Variants in SC5D observed in about 807,000 individuals in gnomAD.
SC5D encodes lathosterol oxidase.
In SC5D, 21 loss-of-function variants were observed where a neutral mutation model predicts 23.9. The observed-to-expected ratio is 0.88, with a 90% CI of 0.62 to 1.26. The LOEUF (loss-of-function observed/expected upper bound fraction) is 1.26. Ranked by LOEUF, SC5D falls within the 50% of genes most tolerant of loss-of-function variation. SC5D has a pLI of 0.00. For synonymous variants in SC5D, 113 were observed against 125.9 expected (o/e 0.90, Z 0.68); for missense variants, 309 against 364.8 (o/e 0.85, Z 1.25).
intron 1 of SC5D, among the ~76,000 whole-genome samples, chr11:121,293,389 T>C (rs1947865882): frequency 6.6e-6 from 1 of 152,192 alleles, no homozygotes; most frequent in Non-Finnish European, 1.5e-5. Context: ...AGAATCAGGC[T>C]GAAGAACTGG....
At position 121,307,310 on chromosome 11, in the gene SC5D, A is replaced by G; in HGVS notation, c.698A>G (p.His233Arg). The G allele has an allele frequency of 1.2e-6, 2 of 1,614,160 alleles. No homozygotes were observed. The highest frequency in any genetic ancestry group is 8.5e-7 in the Non-Finnish European group (1 of 1,180,014). ...INGSAHHTDH[H>R]MFFDYNYGQY... Reference sequence around the variant, plus strand: ...GGCTCAGCTCATCATACAGACCACCATATGTTCTTTGACTATAATTATGGA... The same window carrying G: ...GGCTCAGCTCATCATACAGACCACCGTATGTTCTTTGACTATAATTATGGA... Residue 233 changes from histidine (H) to arginine (R), a missense_variant, in exon 5 of 5, where the codon CAT (histidine) becomes CGT (arginine). His to Arg is a conservative substitution (Grantham distance 29, BLOSUM62 0). Transcript: ENST00000264027.
chr11:121,308,281 T>C lies in SC5D; in HGVS notation c.*769T>C, dbSNP rs1449450656. The C allele has an allele frequency of 6.6e-6, 1 of 152,260 alleles. No individual in the cohort carries two copies. Among genetic ancestry groups the C allele is most frequent in the African/African-American group, 2.4e-5 (1 of 41,470 alleles). 9.4% of individuals were successfully genotyped at this position (152,260 alleles called of 1,614,324 possible). A position where few individuals can be genotyped will look rare whatever the true frequency, so the allele number is the denominator to read the frequency against. ...CCATTATTTAATAAGAGTAAAAATA[T>C]GTGAATCTGGATATATTTAAAAAAA... On this transcript the variant is annotated 3_prime_UTR_variant, in exon 5 of 5. Coordinates refer to ENST00000264027, the MANE Select transcript of SC5D (RefSeq NM_006918.5).
chr11:121,304,591 A>T lies in SC5D; in HGVS notation c.343+98A>T, dbSNP rs901584383. The T allele has an allele frequency of 4.0e-5, 41 of 1,021,890 alleles. No individual in the cohort carries two copies. The Middle Eastern group carries it at 8.9e-4, about 22-fold the overall frequency. 63.3% of individuals were successfully genotyped at this position (1,021,890 alleles called of 1,614,324 possible). On this transcript the variant is annotated intron_variant, in intron 3 of 4. Transcript: ENST00000264027. ...GCCCTTTTTTTTTTCATCTTTTAAA[A>T]TAATTACAAATTATTCAGTTGTTTT...
At chr11:121,300,413 A>G (rs1422717602) in intron 1 of SC5D, among the ~76,000 whole-genome samples, 3 of 152,242 alleles carry the variant, frequency 2.0e-5, no homozygotes, top group African/African-American at 7.2e-5. Flanking sequence ...ACCAAAGGCC[A>G]CAACCCAGAA....
At position 121,307,588 on chromosome 11, in the gene SC5D, A is replaced by C; in HGVS notation, c.*76A>C. The C allele has an allele frequency of 2.0e-6, 2 of 995,378 alleles. No individual in the cohort carries two copies. The highest frequency in any genetic ancestry group is 3.2e-5 in the South Asian group (2 of 62,590). The allele number at this position is 995,378 out of a possible 1,614,324, so 61.7% of individuals were successfully genotyped here. ...ATTTCTTTTTTTTAATAAGGAAAAA[A>C]TAATATCCATACAGTCAAGATACAT... is the stretch of plus-strand genomic sequence containing the variant. On this transcript the variant is annotated 3_prime_UTR_variant, in exon 5 of 5. Coordinates refer to ENST00000264027, the MANE Select transcript of SC5D (RefSeq NM_006918.5).
chr11:121,303,781 T>C, intron 2 of SC5D, 196 bp downstream of exon 2: 1 of 563,390 alleles, frequency 1.8e-6, no homozygotes, highest in Non-Finnish European at 3.1e-6. Context: ...TCTAACTTTT[T>C]AATAAAACTA....
intron 1 of SC5D, among the ~76,000 whole-genome samples, chr11:121,303,070 T>C (rs923087565): frequency 2.6e-5 from 4 of 152,214 alleles, no homozygotes; most frequent in African/African-American, 9.6e-5. Context: ...GGAATGACAC[T>C]GAAATGGAAT....
At chr11:121,303,770 A>T (rs1947942766) in intron 2 of SC5D, 185 bp downstream of exon 2, 1 of 577,748 alleles carries the variant, frequency 1.7e-6, no homozygotes, top group Non-Finnish European at 3.1e-6. Flanking sequence ...GTTTAAGCAA[A>T]TCTAACTTTT....
At chr11:121,303,270 C>A in intron 1 of SC5D, 96 bp from the exon 2 acceptor site, 1 of 915,026 alleles carries the variant, frequency 1.1e-6, no homozygotes, top group Non-Finnish European at 1.8e-6. Context: ...TATGACTGTT[C>A]TTAAATCAGG....
chr11:121,300,086 A>C (rs1002959335), intron 1 of SC5D, among the ~76,000 whole-genome samples: 1 of 152,246 alleles, frequency 6.6e-6, no homozygotes, highest in African/African-American at 2.4e-5. Context: ...GGTGACTTCC[A>C]AAACAGCAGA....
In SC5D at chr11:121,310,366, T is replaced by A. The variant is rs1948000083; in HGVS notation, c.*2854T>A. On this transcript the variant is annotated 3_prime_UTR_variant, in exon 5 of 5. Coordinates refer to ENST00000264027, the MANE Select transcript of SC5D (RefSeq NM_006918.5). The stretch of plus-strand genomic sequence containing the variant: ...TGAGATAGTATGTAGAGGTGGGGCC[T>A]TGAGGAAGTGATTAAGTCATGAGGG... Among the ~76,000 whole-genome samples the A allele has an allele frequency of 6.6e-6, 1 of 152,018 alleles. No individual in the cohort carries two copies. The highest frequency in any genetic ancestry group is 2.1e-4 in the South Asian group (1 of 4,828).
chr11:121,307,656 G>T lies in SC5D; in HGVS notation c.*144G>T. 1 of 630,562 alleles carries T rather than the reference G, an allele frequency of 1.6e-6. No individual in the cohort carries two copies. The highest frequency in any genetic ancestry group is 2.7e-6 in the Non-Finnish European group (1 of 368,778). 39.1% of individuals were successfully genotyped at this position (630,562 alleles called of 1,614,324 possible). A position where few individuals can be genotyped will look rare whatever the true frequency, so the allele number is the denominator to read the frequency against. Reference sequence around the variant, plus strand: ...GGAAATCAGCATCGTGGGCACTGCTGAGGAATGATCCTAGTGGTAGGTCAG... The same window carrying T: ...GGAAATCAGCATCGTGGGCACTGCTTAGGAATGATCCTAGTGGTAGGTCAG... On this transcript the variant is annotated 3_prime_UTR_variant, in exon 5 of 5. Coordinates refer to ENST00000264027, the MANE Select transcript of SC5D (RefSeq NM_006918.5).
Position 121,294,184 on chromosome 11 carries a change from C to G in SC5D, c.-11+1368C>G, listed in dbSNP as rs542798372. ...AGAAGTTTCTTTAATTCTGCAAGGA[C>G]AAAGTATTTAAGTTTCTGTTTGAAG... is the stretch of plus-strand genomic sequence containing the variant. On this transcript the variant is annotated intron_variant, in intron 1 of 4. Transcript: ENST00000264027. 6.6e-4 allele frequency among the ~76,000 whole-genome samples: 101 copies of G among 152,280 alleles called. 1 individual carries two copies. In the South Asian group the frequency reaches 0.011, roughly 17 times the overall value.
rs1223853632 is a variant in SC5D, at chr11:121,309,466, A to G, written c.*1954A>G. Among the ~76,000 whole-genome samples, 1 of 152,138 alleles carries G rather than the reference A, an allele frequency of 6.6e-6. No homozygotes were observed. Among genetic ancestry groups the G allele is most frequent in the Non-Finnish European group, 1.5e-5 (1 of 68,042 alleles). On this transcript the variant is annotated 3_prime_UTR_variant, in exon 5 of 5. Coordinates refer to ENST00000264027, the MANE Select transcript of SC5D (RefSeq NM_006918.5). ...CTTGAGCAGCTAGACAGTTTGCCGTATTTGTGGTGTTCTCCTCTTGTTGAT... is the reference window on the plus strand; with the variant it reads ...CTTGAGCAGCTAGACAGTTTGCCGTGTTTGTGGTGTTCTCCTCTTGTTGAT...
intron 1 of SC5D, among the ~76,000 whole-genome samples, chr11:121,294,093 G>A (rs954125972): frequency 7.2e-5 from 11 of 152,102 alleles, no homozygotes; most frequent in African/African-American, 2.7e-4. Flanking sequence ...TTAAAGTAGG[G>A]CAAAAAGATA....
chr11:121,305,080 A>G (rs1333928797), intron 3 of SC5D: 1 of 152,956 alleles, frequency 6.5e-6, no homozygotes, highest in African/African-American at 2.4e-5. Context: ...TATGTAAATG[A>G]TACCTAATTG....
chr11:121,306,416 C>T lies in SC5D; in HGVS notation c.374C>T (p.Ser125Phe). 1 of 1,581,966 alleles carries T rather than the reference C, an allele frequency of 6.3e-7. No individual in the cohort carries two copies. The highest frequency in any genetic ancestry group is 8.7e-7 in the Non-Finnish European group (1 of 1,150,872). ...GLFELVVSII[S>F]FLFFTDMFIY... ...TTTGAACTTGTCGTTAGTATAATAT[C>T]TTTCCTCTTTTTCACTGACATGTTC... is the stretch of plus-strand genomic sequence containing the variant. The change falls in exon 4 of 5, where the codon TCT (serine) becomes TTT (phenylalanine). Residue 125 changes from serine (S) to phenylalanine (F), a missense_variant. Coordinates refer to ENST00000264027, the MANE Select transcript of SC5D (RefSeq NM_006918.5).
chr11:121,307,640 C>T lies in SC5D; in HGVS notation c.*128C>T. 1 of 677,208 alleles carries T rather than the reference C, an allele frequency of 1.5e-6. No individual in the cohort carries two copies. Among genetic ancestry groups the T allele is most frequent in the South Asian group, 2.0e-5 (1 of 50,660 alleles). 41.9% of individuals were successfully genotyped at this position (677,208 alleles called of 1,614,324 possible). On this transcript the variant is annotated 3_prime_UTR_variant, in exon 5 of 5. Transcript: ENST00000264027. ...GTAAATGGTATCATTTGGAAATCAG[C>T]ATCGTGGGCACTGCTGAGGAATGAT...
chr11:121,294,583 A>G (rs1157134461), intron 1 of SC5D, among the ~76,000 whole-genome samples: 2 of 152,186 alleles, frequency 1.3e-5, no homozygotes, highest in Admixed American at 6.5e-5. Context: ...ACTATCAACT[A>G]CTGTCAGTTA....
Sources: allele counts gnomAD v4.1 joint callset (sites outside exome capture counted in the v4.1 genomes callset), GRCh38; gene constraint gnomAD v4.1.1; transcripts MANE v1.5; gene names NCBI Gene and HGNC (gene_info 2026-07-23, HGNC 2026-07-21).